The following APC variants were observed in gnomAD, a reference collection of about 807,000 sequenced individuals.
The protein encoded by APC is APC regulator of Wnt signaling pathway.
A neutral mutation model predicts 247.0 loss-of-function variants in APC; 72 were observed. The ratio of observed to expected loss-of-function variants is 0.29; its 90% CI spans 0.24 to 0.35. The LOEUF (loss-of-function observed/expected upper bound fraction) is 0.35, where lower values mean the gene tolerates loss of function less well. Among genes scored for constraint, APC ranks in the 10% least tolerant of loss-of-function variants. The pLI is 1.00. For synonymous variants in APC, 1,254 were observed against 1,162.5 expected (o/e 1.08, Z -1.60); for missense variants, 3,400 against 3,360.7 (o/e 1.01, Z -0.29).
intron 1 of APC, among the ~76,000 whole-genome samples, chr5:112,740,727 T>C (rs920064199): frequency 6.6e-6 from 1 of 151,946 alleles, no homozygotes; most frequent in Non-Finnish European, 1.5e-5. Flanking sequence ...GGTTTCACCA[T>C]GTTGCCCAGG....
chr5:112,721,876 G>GA lies in APC; in HGVS notation c.165+14002dup, dbSNP rs1333801732. Among the ~76,000 whole-genome samples the GA allele has an allele frequency of 2.0e-5, 3 of 151,784 alleles. No individual in the cohort carries two copies. The East Asian group carries it at 5.8e-4, about 29-fold the overall frequency. ...AACACTAACAATAGCTGATGAGCTT[G>GA]AAAAAAAATTGCAGGAAAAAAAAAT... On this transcript the variant is annotated intron_variant, in intron 1 of 13. Coordinates refer to the APC transcript ENST00000507379.
At chr5:112,794,750 C>G (rs1431213345) in intron 7 of APC, among the ~76,000 whole-genome samples, 1 of 152,204 alleles carries the variant, frequency 6.6e-6, no homozygotes, top group Non-Finnish European at 1.5e-5. Context: ...TTGAGTATCT[C>G]CAAGCCACTC....
Position 112,801,381 on chromosome 5 carries a change from C to A in APC, c.832C>A (p.Gln278Lys). 4 of 1,594,314 alleles carry A rather than the reference C, an allele frequency of 2.5e-6. No homozygotes were observed. In the South Asian group the frequency reaches 4.5e-5, roughly 18 times the overall value. Reference protein sequence around the residue: ...EINMATSGNGQGSTTRMDHET... With the variant: ...EINMATSGNGKGSTTRMDHET... ...CAACATGGCAACTTCTGGTAATGGT[C>A]AGGTAAATAAATTATTTTATCATAT... The change falls in exon 8 of 16, where the codon CAG becomes AAG. Residue 278 changes from glutamine to lysine, a missense_variant and splice_region_variant. Physicochemically the swap from Gln to Lys is moderately conservative, Grantham distance 53 (BLOSUM62 1). Around this residue, in one of 9 missense-constraint regions of APC, gnomAD observed 372 missense variants for 367.6 expected, o/e 1.01. Coordinates refer to ENST00000257430, the MANE Select transcript of APC (RefSeq NM_000038.6).
intron 13 of APC, 48 bp downstream of exon 13, chr5:112,828,054 A>C: frequency 6.6e-7 from 1 of 1,503,966 alleles, no homozygotes; most frequent in Non-Finnish European, 9.2e-7. Flanking sequence ...TTTTTCTTTG[A>C]GGCAGGGTCT....
intron 13 of APC, 134 bp downstream of exon 13, chr5:112,828,140 A>ATCC (rs1763909583): frequency 1.3e-6 from 1 of 760,664 alleles, no homozygotes. Context: ...GGTTCAAGCA[A>ATCC]TCCTCCCACT....
intron 15 of APC, among the ~76,000 whole-genome samples, chr5:112,836,613 G>C (rs1764973992): frequency 6.6e-6 from 1 of 152,048 alleles, no homozygotes; most frequent in African/African-American, 2.4e-5. Context: ...CTCACTCCTT[G>C]TTTTTATATG....
intron 1 of APC, among the ~76,000 whole-genome samples, chr5:112,748,931 G>T (rs961602680): frequency 6.6e-6 from 1 of 152,164 alleles, no homozygotes; most frequent in Non-Finnish European, 1.5e-5. Context: ...TTGAGCCAGG[G>T]AGGTCAAGGC....
At chr5:112,773,248 A>G (rs1161640637) in intron 4 of APC, among the ~76,000 whole-genome samples, 1 of 152,196 alleles carries the variant, frequency 6.6e-6, no homozygotes, top group East Asian at 1.9e-4. Flanking sequence ...ACTCACTACT[A>G]AGATTCATTC....
chr5:112,759,356 C>CG (rs1483200630), intron 2 of APC, among the ~76,000 whole-genome samples: 17 of 122,338 alleles, frequency 1.4e-4, no homozygotes, highest in South Asian at 8.0e-4. Flanking sequence ...TTCTTTCTTT[C>CG]TTTTTTTTTT....
At chr5:112,791,156 A>AACAC (rs147798111) in intron 6 of APC, among the ~76,000 whole-genome samples, 11 of 150,768 alleles carry the variant, frequency 7.3e-5, no homozygotes, top group South Asian at 4.2e-4. Flanking sequence ...TAGCTTAAAA[A>AACAC]ACACACACAC....
At chr5:112,776,319 CAT>C (rs1757642640) in intron 5 of APC, among the ~76,000 whole-genome samples, 1 of 152,122 alleles carries the variant, frequency 6.6e-6, no homozygotes, top group African/African-American at 2.4e-5. Context: ...ACCAGTAAAA[CAT>C]ATACTGAAAA....
intron 1 of APC, among the ~76,000 whole-genome samples, chr5:112,723,229 G>T (rs1159144692): frequency 6.6e-6 from 1 of 152,162 alleles, no homozygotes; most frequent in Non-Finnish European, 1.5e-5. Context: ...TGTAATCCCA[G>T]CACTTGGGGA....
chr5:112,717,731 CT>C (rs1751250799), intron 1 of APC, among the ~76,000 whole-genome samples: 2 of 151,900 alleles, frequency 1.3e-5, no homozygotes, highest in African/African-American at 2.4e-5. Context: ...GCATCGGATT[CT>C]TTGGGCTGTG....
rs780597635 is a variant in APC at position 112,838,517 on chromosome 5, A to G, written c.2923A>G (p.Lys975Glu). 6.2e-7 allele frequency: 1 copy of G among 1,614,240 alleles called. No homozygotes were observed. The highest frequency in any genetic ancestry group is 8.5e-7 in the Non-Finnish European group (1 of 1,180,034). The change falls in exon 16 of 16, where the codon AAA becomes GAA. Residue 975 changes from lysine (K) to glutamate (E), a missense_variant. Coordinates refer to ENST00000257430, the MANE Select transcript of APC (RefSeq NM_000038.6). ...TGTCAGTAGTAGTGATGGTTATGGT[A>G]AAAGAGGTCAAATGAAACCCTCGAT... ...NSVSSSDGYG[K>E]RGQMKPSIES...
At chr5:112,722,779 C>A (rs530875109) in intron 1 of APC, among the ~76,000 whole-genome samples, 1 of 152,272 alleles carries the variant, frequency 6.6e-6, no homozygotes, top group Non-Finnish European at 1.5e-5. Flanking sequence ...CGCGGAGCTT[C>A]CATGCCTTCT....
rs1554060206 is a variant in APC, at chr5:112,707,572, C to T, written c.-146C>T. ...GGGGGCGGGGTGTGGCCGCCGGAAG[C>T]CTAGCCGCTGCTCGGGGGGGACCTG... On this transcript the variant is annotated 5_prime_UTR_variant, in exon 1 of 14. Coordinates refer to the APC transcript ENST00000507379. The T allele has an allele frequency of 8.4e-6, 7 of 833,014 alleles. No homozygotes were observed. Among genetic ancestry groups the T allele is most frequent in the Admixed American group, 2.8e-5 (1 of 35,750 alleles). The allele number at this position is 833,014 out of a possible 1,614,324, so 51.6% of individuals were successfully genotyped here. A position where few individuals can be genotyped will look rare whatever the true frequency, so the allele number is the denominator to read the frequency against.
intron 8 of APC, among the ~76,000 whole-genome samples, chr5:112,812,259 A>C (rs1263401741): frequency 6.6e-6 from 1 of 152,202 alleles, no homozygotes; most frequent in African/African-American, 2.4e-5. Context: ...ACCTACAAAC[A>C]GTAAAAATAT....
At chr5:112,751,146 A>G (rs949229681) in intron 1 of APC, among the ~76,000 whole-genome samples, 2 of 152,128 alleles carry the variant, frequency 1.3e-5, no homozygotes, top group African/African-American at 4.8e-5. Context: ...AAAATAGTAC[A>G]GAGAGTTTCT....
At chr5:112,789,559 A>G (rs946980649) in intron 6 of APC, among the ~76,000 whole-genome samples, 2 of 152,190 alleles carry the variant, frequency 1.3e-5, no homozygotes, top group Non-Finnish European at 1.5e-5. Context: ...TGGGAGATAT[A>G]ATTTCCTATT....
Sources: gnomAD v4.1 joint callset for allele counts (sites outside exome capture counted in the v4.1 genomes callset) on GRCh38, gnomAD v4.1.1 for gene constraint, gnomAD v4.1.1 regional missense constraint, MANE v1.5 for transcripts, NCBI Gene and HGNC (gene_info 2026-07-23, HGNC 2026-07-21) for gene names.